NOX4: variants seen among roughly 807,000 people sequenced by gnomAD.
NOX4 encodes the protein NADPH oxidase 4.
A neutral mutation model predicts 87.6 loss-of-function variants in NOX4; 69 were observed. The ratio of observed to expected loss-of-function variants is 0.79; its 90% confidence interval spans 0.65 to 0.96. The LOEUF (loss-of-function observed/expected upper bound fraction) is 0.96. Ranked by LOEUF, NOX4 falls within the 40% of genes least tolerant of loss-of-function variation. The pLI is 0.00. For missense variants in NOX4, 680 were observed against 681.5 expected (o/e 1.00, Z 0.02); for synonymous variants, 275 against 238.2 (o/e 1.15, Z -1.42).
chr11:89,582,127 A>C, the NOX4 span, among the ~76,000 whole-genome samples: 1 of 152,130 alleles, frequency 6.6e-6, no homozygotes, highest in Non-Finnish European at 1.5e-5. Context: ...TTCAGTGTTC[A>C]TCCTGGCTTA....
chr11:89,505,523 A>G, the NOX4 span, among the ~76,000 whole-genome samples: 21 of 151,956 alleles, frequency 1.4e-4, no homozygotes, highest in African/African-American at 4.8e-4. Context: ...AGTCTCAGAT[A>G]CTACTCAGAG....
the NOX4 span, among the ~76,000 whole-genome samples, chr11:89,567,166 G>A: frequency 2.1e-3 from 323 of 152,232 alleles, no homozygotes; most frequent in Middle Eastern, 3.4e-3. Context: ...GTCCTTCTCT[G>A]GGGCACCTCC....
intron 15 of NOX4, among the ~76,000 whole-genome samples, chr11:89,338,221 G>T (rs1449976057): frequency 2.6e-5 from 4 of 151,992 alleles, no homozygotes; most frequent in Admixed American, 1.3e-4. Flanking sequence ...CTACTCTAGG[G>T]ACCTCCTATA....
At chr11:89,583,110 T>A in the NOX4 span, among the ~76,000 whole-genome samples, 2 of 152,334 alleles carry the variant, frequency 1.3e-5, no homozygotes, top group African/African-American at 4.8e-5. Flanking sequence ...CATAGCAGTA[T>A]AATTTATCTT....
At position 89,424,712 on chromosome 11, in the gene NOX4, C is replaced by T. The variant is rs563176574; in HGVS notation, c.549-2730G>A. 1.1e-4 allele frequency among the ~76,000 whole-genome samples: 16 copies of T among 152,034 alleles called. No individual in the cohort carries two copies. The East Asian group carries it at 3.1e-3, about 29-fold the overall frequency. On this transcript the variant is annotated intron_variant, in intron 7 of 17. Coordinates refer to ENST00000263317, the MANE Select transcript of NOX4 (RefSeq NM_016931.5). ...TTGAGATGAGAAAATTTATTCCTGTCATCTAATAACGGGATACATTAATTA... is the reference window on the plus strand; with the variant it reads ...TTGAGATGAGAAAATTTATTCCTGTTATCTAATAACGGGATACATTAATTA...
chr11:89,435,219 A>G (rs2135325521), intron 6 of NOX4, among the ~76,000 whole-genome samples: 1 of 152,180 alleles, frequency 6.6e-6, no homozygotes, highest in East Asian at 1.9e-4. Context: ...GTCCACATGA[A>G]TAACTAAATG....
At chr11:89,462,678 C>T (rs1451858188) in intron 2 of NOX4, among the ~76,000 whole-genome samples, 1 of 151,966 alleles carries the variant, frequency 6.6e-6, no homozygotes, top group Admixed American at 6.6e-5. Flanking sequence ...TGTTTCAAAC[C>T]ACCCCAAAAC....
At chr11:89,495,892 G>A (rs12285366), upstream of NOX4, among the ~76,000 whole-genome samples, 5,321 of 152,252 alleles carry the variant, frequency 0.035, 182 homozygotes, top group African/African-American at 0.082. Context: ...AAAATTCAAT[G>A]TAAAAAGAGC....
At chr11:89,488,927 T>C (rs939129505) in intron 2 of NOX4, 8 of 684,864 alleles carry the variant, frequency 1.2e-5, no homozygotes, top group Non-Finnish European at 2.1e-5. Context: ...TGTAAGCAAC[T>C]TGAGGGGCGA....
intron 17 of NOX4, among the ~76,000 whole-genome samples, chr11:89,329,503 T>C (rs1367856613): frequency 6.6e-6 from 1 of 150,454 alleles, no homozygotes; most frequent in Admixed American, 6.6e-5. Flanking sequence ...AAAGATCTCA[T>C]TAAATCTCAA....
At chr11:89,482,447 A>G (rs1946428325) in intron 2 of NOX4, among the ~76,000 whole-genome samples, 1 of 152,070 alleles carries the variant, frequency 6.6e-6, no homozygotes, top group Admixed American at 6.6e-5. Flanking sequence ...CCCTAATCCA[A>G]TATGACTGGT....
rs1366284121 is a variant in NOX4, at chr11:89,449,316, C to T, written c.349+124G>A. On this transcript the variant is annotated intron_variant, in intron 4 of 17. Transcript: ENST00000263317. ...GCAGGCAATTACCCCAAATTGTCATCAGTGGTTGTTCTGGAAGAATAAGAT... is the reference window on the plus strand; with the variant it reads ...GCAGGCAATTACCCCAAATTGTCATTAGTGGTTGTTCTGGAAGAATAAGAT... 7 of 622,434 alleles carry T rather than the reference C, an allele frequency of 1.1e-5. No individual in the cohort carries two copies. The Admixed American group carries it at 1.7e-4, about 15-fold the overall frequency. 38.6% of individuals were successfully genotyped at this position (622,434 alleles called of 1,614,324 possible).
At chr11:89,377,614 A>G (rs1404021057) in intron 11 of NOX4, among the ~76,000 whole-genome samples, 2 of 152,204 alleles carry the variant, frequency 1.3e-5, no homozygotes, top group Non-Finnish European at 2.9e-5. Flanking sequence ...TAAATGTAAA[A>G]ATGATGTAAC....
intron 2 of NOX4, among the ~76,000 whole-genome samples, chr11:89,487,254 A>C (rs1946667493): frequency 1.3e-5 from 2 of 152,198 alleles, no homozygotes; most frequent in Admixed American, 1.3e-4. Flanking sequence ...TAAAACAGAG[A>C]GAACAGTTTC....
upstream of NOX4, chr11:89,491,636 C>A: frequency 4.1e-6 from 1 of 244,044 alleles, no homozygotes. Flanking sequence ...TCCCCCGCAG[C>A]CTCTACCCAG....
intron 11 of NOX4, among the ~76,000 whole-genome samples, chr11:89,397,683 A>T (rs1478084618): frequency 6.6e-6 from 1 of 152,158 alleles, no homozygotes; most frequent in Non-Finnish European, 1.5e-5. Flanking sequence ...AATGCTATAA[A>T]CACCTCTACA....
At chr11:89,460,472 A>T (rs1036843308) in intron 2 of NOX4, among the ~76,000 whole-genome samples, 4 of 152,218 alleles carry the variant, frequency 2.6e-5, no homozygotes, top group African/African-American at 7.2e-5. Flanking sequence ...CAAGAAAAAA[A>T]CAACCCCATC....
upstream of NOX4, among the ~76,000 whole-genome samples, chr11:89,492,786 C>T (rs1385299052): frequency 6.6e-6 from 1 of 152,148 alleles, no homozygotes; most frequent in Admixed American, 6.5e-5. Context: ...TTCTGGGATG[C>T]ACTGGTGCTC....
chr11:89,585,779 C>A, the NOX4 span, among the ~76,000 whole-genome samples: 46 of 152,158 alleles, frequency 3.0e-4, no homozygotes, highest in Non-Finnish European at 5.7e-4. Flanking sequence ...TTGTATAAGT[C>A]ATCCTTTAAC....
Sources: gnomAD v4.1 joint callset for allele counts (sites outside exome capture counted in the v4.1 genomes callset) on GRCh38, gnomAD v4.1.1 for gene constraint, MANE v1.5 for transcripts, NCBI Gene and HGNC (gene_info 2026-07-23, HGNC 2026-07-21) for gene names.